The following DRC4 variants were observed in gnomAD, a reference collection of about 807,000 sequenced individuals.
The protein encoded by DRC4 is dynein regulatory complex subunit 4.
chr16:90,029,306 C>T, the DRC4 span: 2 of 1,365,542 alleles, frequency 1.5e-6, no homozygotes, highest in Non-Finnish European at 2.0e-6. Context: ...TGGGGGTGAC[C>T]TGGAGACTCC....
the DRC4 span, chr16:90,036,625 C>G: frequency 1.3e-4 from 203 of 1,536,150 alleles, no homozygotes; most frequent in Non-Finnish European, 1.7e-4. Context: ...CACACTCTGC[C>G]TGTCCTAGAA....
chr16:90,029,068 C>G, the DRC4 span: 1 of 1,224,516 alleles, frequency 8.2e-7, no homozygotes, highest in African/African-American at 1.7e-5. Flanking sequence ...AGCATGTGAG[C>G]TGCTGCCCGT....
the DRC4 span, among the ~76,000 whole-genome samples, chr16:90,041,451 G>A: frequency 6.6e-6 from 1 of 152,336 alleles, no homozygotes; most frequent in South Asian, 2.1e-4. Context: ...GCCACGTGGT[G>A]AGACCCTTGC....
At chr16:90,038,409 C>G in the DRC4 span, among the ~76,000 whole-genome samples, 3 of 152,222 alleles carry the variant, frequency 2.0e-5, no homozygotes, top group African/African-American at 4.8e-5. Flanking sequence ...CGGTCTCATC[C>G]TTTTCACAGC....
chr16:90,032,019 G>A, the DRC4 span, among the ~76,000 whole-genome samples: 1 of 152,046 alleles, frequency 6.6e-6, no homozygotes, highest in African/African-American at 2.4e-5. Context: ...GTGTCTACAG[G>A]TATGTACAGG....
chr16:90,044,366 C>CA, the DRC4 span: 1 of 410,670 alleles, frequency 2.4e-6, no homozygotes, highest in Non-Finnish European at 5.0e-6. Context: ...GAGCTCAAAG[C>CA]AAGTGAGCTC....
chr16:90,023,295 C>T, the DRC4 span, among the ~76,000 whole-genome samples: 22 of 152,184 alleles, frequency 1.4e-4, no homozygotes, highest in Non-Finnish European at 1.2e-4. Flanking sequence ...AACCACTGTT[C>T]CCTTGGAAAG....
chr16:90,031,277 C>T, the DRC4 span: 2 of 1,610,766 alleles, frequency 1.2e-6, no homozygotes, highest in South Asian at 2.2e-5. Context: ...AGTGCCTCAC[C>T]TGACCCACTG....
At chr16:90,028,019 C>T in the DRC4 span, 1 of 379,990 alleles carries the variant, frequency 2.6e-6, no homozygotes, top group East Asian at 4.5e-5. Context: ...TTCAATCTTA[C>T]CCTTTTTTTG....
chr16:90,020,266 C>A, the DRC4 span: 1 of 413,088 alleles, frequency 2.4e-6, no homozygotes, highest in South Asian at 7.8e-5. Context: ...AGCTTGAGCT[C>A]AGGAGTCCAA....
the DRC4 span, chr16:90,020,010 C>T: frequency 1.4e-6 from 1 of 699,628 alleles, no homozygotes; most frequent in East Asian, 2.7e-5. Context: ...AAGGCAGTTT[C>T]GATGAAACTG....
the DRC4 span, chr16:90,039,943 A>C: frequency 3.1e-6 from 1 of 320,072 alleles, no homozygotes; most frequent in South Asian, 3.1e-5. Flanking sequence ...CTGGATCTCA[A>C]ATCTCACCTG....
the DRC4 span, chr16:90,035,501 G>C: frequency 7.8e-5 from 89 of 1,140,190 alleles, no homozygotes; most frequent in Non-Finnish European, 3.9e-6. Context: ...AAGCTTAGAG[G>C]TGACTTTAGT....
chr16:90,019,997 G>A, the DRC4 span: 2 of 699,486 alleles, frequency 2.9e-6, no homozygotes, highest in South Asian at 3.0e-5. This position sits in a 1 kb window ranked among gnomAD's most constrained non-coding sequence, Gnocchi z 6.1. Context: ...TGCAGAGAGC[G>A]CCAAGGCAGT....
the DRC4 span, among the ~76,000 whole-genome samples, chr16:90,032,105 G>C: frequency 6.6e-6 from 1 of 151,860 alleles, no homozygotes; most frequent in African/African-American, 2.4e-5. Flanking sequence ...GTGTACAGGT[G>C]ACCAGGTGTG....
the DRC4 span, among the ~76,000 whole-genome samples, chr16:90,031,906 TGAG>T: frequency 6.6e-6 from 1 of 151,914 alleles, no homozygotes; most frequent in Non-Finnish European, 1.5e-5. Context: ...TGTGTGCAGG[TGAG>T]GAGGCGTGGC....
the DRC4 span, chr16:90,033,066 A>G: frequency 1.2e-6 from 1 of 864,168 alleles, no homozygotes; most frequent in African/African-American, 1.7e-5. Flanking sequence ...TTTGTTGAAA[A>G]AAAATTTTTT....
At chr16:90,039,102 T>C in the DRC4 span, among the ~76,000 whole-genome samples, 1 of 152,250 alleles carries the variant, frequency 6.6e-6, no homozygotes, top group Non-Finnish European at 1.5e-5. Context: ...TCTTGGCACC[T>C]AAGGGAAGGG....
At chr16:90,041,258 A>T in the DRC4 span, among the ~76,000 whole-genome samples, 1 of 152,234 alleles carries the variant, frequency 6.6e-6, no homozygotes, top group Non-Finnish European at 1.5e-5. Context: ...TTTCCTGGTC[A>T]TTGTTACCTC....
Sources: gnomAD v4.1 joint callset for allele counts (sites outside exome capture counted in the v4.1 genomes callset) on GRCh38, gnomAD v4.1.1 for gene constraint, Gnocchi (gnomAD v3.1) non-coding constraint, MANE v1.5 for transcripts, NCBI Gene and HGNC (gene_info 2026-07-23, HGNC 2026-07-21) for gene names.